PCDHA3: variants seen among roughly 807,000 people sequenced by gnomAD.
PCDHA3 encodes protocadherin alpha-3.
In PCDHA3, 41 loss-of-function variants were observed where a neutral mutation model predicts 62.2. That is an observed-to-expected ratio of 0.66 (90% CI 0.51 to 0.86). PCDHA3 has a LOEUF of 0.86. Among genes scored for constraint, PCDHA3 ranks in the 40% least tolerant of loss-of-function variants. The pLI is 0.00. For missense variants in PCDHA3, 1,304 were observed against 1,241.2 expected, an observed-to-expected ratio of 1.05 and a Z score of -0.76; for synonymous variants, 640 against 555.4, an observed-to-expected ratio of 1.15 and a Z score of -2.14.
In PCDHA3 at chr5:140,837,841, C is replaced by T. The variant is rs148049265; in HGVS notation, c.2394+34250C>T. On this transcript the variant is annotated intron_variant, in intron 1 of 3. Coordinates refer to ENST00000522353, the MANE Select transcript of PCDHA3 (RefSeq NM_018906.3). ...ACAGTTTGCATGTCATTGTGCCTGGCTAATTTTATTTTATTTTTGTAGAGA... is the reference window on the plus strand; with the variant it reads ...ACAGTTTGCATGTCATTGTGCCTGGTTAATTTTATTTTATTTTTGTAGAGA... Among the ~76,000 whole-genome samples, 417 of 151,502 alleles carry T rather than the reference C, an allele frequency of 2.8e-3. 6 individuals carry two copies. The highest frequency in any genetic ancestry group is 9.7e-3 in the African/African-American group (400 of 41,204).
chr5:140,876,554 A>G (rs2056417075), intron 1 of PCDHA3: 1 of 1,614,052 alleles, frequency 6.2e-7, no homozygotes, highest in South Asian at 1.1e-5. Flanking sequence ...CCTGTGCAAG[A>G]GGATGCTCAG....
intron 1 of PCDHA3, chr5:140,860,073 G>A (rs1441059020): frequency 4.0e-5 from 6 of 151,782 alleles, no homozygotes; most frequent in African/African-American, 1.5e-4. Flanking sequence ...AGGATGGTTT[G>A]AGGCCAGGAG....
intron 1 of PCDHA3, chr5:140,842,014 A>C: frequency 6.2e-7 from 1 of 1,613,836 alleles, no homozygotes; most frequent in Non-Finnish European, 8.5e-7. Flanking sequence ...TGCTGGTCAC[A>C]GTGCTGGATG....
At chr5:140,838,766 T>C (rs2150292312) in intron 1 of PCDHA3, among the ~76,000 whole-genome samples, 4 of 151,986 alleles carry the variant, frequency 2.6e-5, no homozygotes, top group Non-Finnish European at 4.4e-5. Context: ...GTAGAGACTT[T>C]GTAAAATTAG....
Position 140,801,253 on chromosome 5 carries a change from T to C in PCDHA3, c.56T>C (p.Leu19Pro). ...GCCCAGTGCCTGCTGCTTTCTCTTCTGCTCCTCGCAGCCTCGGAGGTGGGG... is the reference window on the plus strand; with the variant it reads ...GCCCAGTGCCTGCTGCTTTCTCTTCCGCTCCTCGCAGCCTCGGAGGTGGGG... ...PGAQCLLLSL[L>P]LLAASEVGSG... Residue 19 changes from leucine (L) to proline (P), a missense_variant, in exon 1 of 4, where the codon CTG becomes CCG. By Grantham distance (98) the Leu-to-Pro change is moderately conservative. Coordinates refer to ENST00000522353, the MANE Select transcript of PCDHA3 (RefSeq NM_018906.3). 7 of 1,613,752 alleles carry C rather than the reference T, an allele frequency of 4.3e-6. No homozygotes were observed. The highest frequency in any genetic ancestry group is 5.9e-6 in the Non-Finnish European group (7 of 1,179,826).
chr5:140,941,211 CTTCCTTTCTTTCTTTCTTT>C (rs1563185577), intron 1 of PCDHA3, among the ~76,000 whole-genome samples: 1,494 of 129,708 alleles, frequency 0.012, 26 homozygotes, highest in African/African-American at 0.041. Flanking sequence ...TCCTTTCTTT[CTTCCTTTCTTTCTTTCTTT>C]CTTTCTTTCT....
chr5:140,932,607 T>C (rs555006363), intron 1 of PCDHA3, among the ~76,000 whole-genome samples: 8 of 152,052 alleles, frequency 5.3e-5, no homozygotes, highest in Non-Finnish European at 7.4e-5. Flanking sequence ...CTATTTTGAC[T>C]TTGAAGCTGA....
At chr5:140,874,212 T>C (rs1199574859) in intron 1 of PCDHA3, among the ~76,000 whole-genome samples, 1 of 152,252 alleles carries the variant, frequency 6.6e-6, no homozygotes, top group Non-Finnish European at 1.5e-5. Context: ...TTTATTATTA[T>C]ATGCAGTAGG....
intron 1 of PCDHA3, among the ~76,000 whole-genome samples, chr5:140,846,126 G>T (rs2150384899): frequency 6.7e-6 from 1 of 149,636 alleles, no homozygotes; most frequent in East Asian, 1.9e-4. Flanking sequence ...TTTGATAGTT[G>T]TATGTTTCCC....
intron 1 of PCDHA3, among the ~76,000 whole-genome samples, chr5:140,905,308 T>C (rs1194215404): frequency 1.3e-5 from 2 of 152,120 alleles, no homozygotes; most frequent in African/African-American, 4.8e-5. Flanking sequence ...TTTCCACACT[T>C]TGTGTTTGTA....
intron 1 of PCDHA3, chr5:140,824,010 G>A (rs1554129688): frequency 1.2e-6 from 2 of 1,614,148 alleles, no homozygotes; most frequent in Middle Eastern, 1.6e-4. Context: ...GCGCGGTGGG[G>A]AGCTGGTCGT....
At chr5:140,984,588 T>C (rs1338170509) in intron 3 of PCDHA3, among the ~76,000 whole-genome samples, 1 of 152,170 alleles carries the variant, frequency 6.6e-6, no homozygotes, top group Non-Finnish European at 1.5e-5. Flanking sequence ...AATCATACTT[T>C]TCAATACATA....
At position 140,850,002 on chromosome 5, in the gene PCDHA3, T is replaced by G. The variant is rs2150462762; in HGVS notation, c.2394+46411T>G. The G allele has an allele frequency of 2.8e-5, 45 of 1,596,824 alleles. No homozygotes were observed. In the South Asian group the frequency reaches 3.6e-4, roughly 13 times the overall value. The stretch of plus-strand genomic sequence containing the variant: ...GGTGGAGCGGCGGTTGGGCGAGCGC[T>G]CGCTGTCGAGCTACGTGTCAGTGCA... On this transcript the variant is annotated intron_variant, in intron 1 of 3. Coordinates refer to ENST00000522353, the MANE Select transcript of PCDHA3 (RefSeq NM_018906.3).
At chr5:140,971,462 A>G (rs1554233357) in intron 1 of PCDHA3, among the ~76,000 whole-genome samples, 1 of 152,184 alleles carries the variant, frequency 6.6e-6, no homozygotes, top group African/African-American at 2.4e-5. Flanking sequence ...TTTTGCAGTT[A>G]TAGGGAGAGA....
At chr5:140,970,663 CAAAT>C (rs1216768545) in intron 1 of PCDHA3, among the ~76,000 whole-genome samples, 1 of 152,136 alleles carries the variant, frequency 6.6e-6, no homozygotes, top group Non-Finnish European at 1.5e-5. Flanking sequence ...GTTATCTTTC[CAAAT>C]AACTACTTTG....
chr5:140,953,055 T>C (rs1389436711), intron 1 of PCDHA3, among the ~76,000 whole-genome samples: 3 of 152,178 alleles, frequency 2.0e-5, no homozygotes, highest in African/African-American at 7.2e-5. Flanking sequence ...CAATCACCTC[T>C]CACAGGCCCC....
At chr5:140,923,753 T>C (rs1554201575) in intron 1 of PCDHA3, among the ~76,000 whole-genome samples, 1 of 152,174 alleles carries the variant, frequency 6.6e-6, no homozygotes. Flanking sequence ...AGGCATATGG[T>C]GGGACAAATC....
In PCDHA3 at chr5:140,850,694, G is replaced by A. The variant is rs2150494629; in HGVS notation, c.2394+47103G>A. ...CGATGCCCACCGAGGGCGAGTGCGC[G>A]CCTGGCAAGCCGACGCTGGTGTGTT... On this transcript the variant is annotated intron_variant, in intron 1 of 3. Coordinates refer to ENST00000522353, the MANE Select transcript of PCDHA3 (RefSeq NM_018906.3). 483 of 1,598,228 alleles carry A rather than the reference G, an allele frequency of 3.0e-4. 44 individuals are homozygous for A. Among genetic ancestry groups the A allele is most frequent in the Non-Finnish European group, 3.8e-4 (449 of 1,167,808 alleles).
At chr5:140,929,268 A>G (rs1303371377) in intron 1 of PCDHA3, 1 of 1,611,476 alleles carries the variant, frequency 6.2e-7, no homozygotes, top group Non-Finnish European at 8.5e-7. Flanking sequence ...TGAATTTGCC[A>G]ATATCCTGTA....
Sources: gnomAD v4.1 joint callset for allele counts (sites outside exome capture counted in the v4.1 genomes callset) on GRCh38, gnomAD v4.1.1 for gene constraint, MANE v1.5 for transcripts, NCBI Gene and HGNC (gene_info 2026-07-23, HGNC 2026-07-21) for gene names.